The following FAM107B variants were observed in gnomAD, a reference collection of about 807,000 sequenced individuals.
FAM107B encodes protein FAM107B.
A neutral mutation model predicts 31.5 loss-of-function variants in FAM107B; 21 were observed. The observed-to-expected ratio is 0.67, with a 90% CI of 0.47 to 0.96. FAM107B has a LOEUF of 0.96. Ranked by LOEUF, FAM107B falls within the 40% of genes least tolerant of loss-of-function variation. FAM107B has a pLI of 0.00. For missense variants in FAM107B, 452 were observed against 377.1 expected (o/e 1.20, Z -1.64); for synonymous variants, 157 against 141.5 (o/e 1.11, Z -0.78).
chr10:14,614,846 G>C (rs911991203), intron 2 of FAM107B, among the ~76,000 whole-genome samples: 3 of 151,990 alleles, frequency 2.0e-5, no homozygotes, highest in African/African-American at 7.3e-5. Context: ...CACGAGACAG[G>C]GACTGTTTAC....
chr10:14,774,645 T>C lies in FAM107B; in HGVS notation c.19A>G (p.Arg7Gly), dbSNP rs1240899171. Residue 7 changes from arginine (R) to glycine (G), a missense_variant, in exon 1 of 5, where the codon AGA (arginine) becomes GGA (glycine). Physicochemically the swap from Arg to Gly is moderately radical, Grantham distance 125. Coordinates refer to ENST00000181796, the MANE Select transcript of FAM107B (RefSeq NM_031453.4). MSTWKA[R>G]LTKRLKSPSR... ...GGAGACTTCAGTCTTTTGGTGAGTC[T>C]TGCTTTCCACGTGGACATGACTTGC... is the stretch of plus-strand genomic sequence containing the variant. 1 of 1,613,352 alleles carries C rather than the reference T, an allele frequency of 6.2e-7. No individual in the cohort carries two copies. The highest frequency in any genetic ancestry group is 8.5e-7 in the Non-Finnish European group (1 of 1,179,582).
chr10:14,767,973 T>C (rs1833218932), intron 1 of FAM107B, among the ~76,000 whole-genome samples: 1 of 152,112 alleles, frequency 6.6e-6, no homozygotes, highest in African/African-American at 2.4e-5. Flanking sequence ...TAAAGACCCC[T>C]GCACAAAAAT....
chr10:14,586,582 C>G (rs1851849498), intron 2 of FAM107B, among the ~76,000 whole-genome samples: 1 of 152,144 alleles, frequency 6.6e-6, no homozygotes, highest in Admixed American at 6.5e-5. Flanking sequence ...CCCTCTCCAC[C>G]ATGTGGGGAT....
chr10:14,549,583 C>T (rs1849065024), intron 2 of FAM107B, among the ~76,000 whole-genome samples: 1 of 152,212 alleles, frequency 6.6e-6, no homozygotes, highest in Non-Finnish European at 1.5e-5. Flanking sequence ...TTCAACTCTG[C>T]ACATTAATTC....
At position 14,593,063 on chromosome 10, in the gene FAM107B, A is replaced by T. The variant is rs561256436; in HGVS notation, c.470-62548T>A. Among the ~76,000 whole-genome samples, 420 of 152,324 alleles carry T rather than the reference A, an allele frequency of 2.8e-3. 2 individuals carry two copies. The highest frequency in any genetic ancestry group is 9.6e-3 in the African/African-American group (401 of 41,568). On this transcript the variant is annotated intron_variant, in intron 2 of 4. Coordinates refer to ENST00000181796, the MANE Select transcript of FAM107B (RefSeq NM_031453.4). ...CCACCATTCAGCGGGTTAATATTTT[A>T]AAAAATGGCAGACTTCCCTGGGGTC...
At chr10:14,641,652 G>A (rs1461993798) in intron 2 of FAM107B, among the ~76,000 whole-genome samples, 1 of 152,030 alleles carries the variant, frequency 6.6e-6, no homozygotes, top group Non-Finnish European at 1.5e-5. Flanking sequence ...TTCTTCTGAG[G>A]GCACTATTCA....
At chr10:14,526,698 G>A (rs560731004) in intron 3 of FAM107B, among the ~76,000 whole-genome samples, 2 of 152,258 alleles carry the variant, frequency 1.3e-5, no homozygotes, top group African/African-American at 4.8e-5. Flanking sequence ...CTAAAAACCA[G>A]GAACAAGAAG....
intron 1 of FAM107B, among the ~76,000 whole-genome samples, chr10:14,702,569 C>T (rs1732546717): frequency 1.3e-5 from 2 of 152,104 alleles, no homozygotes; most frequent in African/African-American, 4.8e-5. Flanking sequence ...AGGCTGTTCT[C>T]AAACTCCTGA....
chr10:14,648,683 C>A (rs1172794512), intron 2 of FAM107B, among the ~76,000 whole-genome samples: 1 of 152,226 alleles, frequency 6.6e-6, no homozygotes, highest in African/African-American at 2.4e-5. Context: ...AACAGTGACA[C>A]ACCCACAACC....
chr10:14,595,057 A>G (rs1407702576), intron 2 of FAM107B, among the ~76,000 whole-genome samples: 1 of 152,032 alleles, frequency 6.6e-6, no homozygotes, highest in African/African-American at 2.4e-5. Context: ...ACAAAGGCAA[A>G]ACGCTACAGA....
chr10:14,769,073 C>T (rs1325435830), intron 1 of FAM107B, among the ~76,000 whole-genome samples: 1 of 152,156 alleles, frequency 6.6e-6, no homozygotes, highest in Non-Finnish European at 1.5e-5. Flanking sequence ...GCCTTGAGCC[C>T]CTGTGTCCCA....
intron 2 of FAM107B, among the ~76,000 whole-genome samples, chr10:14,594,027 G>A (rs1285652724): frequency 2.6e-5 from 4 of 152,152 alleles, no homozygotes; most frequent in African/African-American, 9.7e-5. Context: ...TACAAAAATG[G>A]CATTTCTGGT....
At chr10:14,759,720 CTTTT>C (rs1295937147) in intron 1 of FAM107B, among the ~76,000 whole-genome samples, 1 of 149,124 alleles carries the variant, frequency 6.7e-6, no homozygotes, top group Non-Finnish European at 1.5e-5. Context: ...CTTTTTTTTT[CTTTT>C]TTTTTAGATG....
intron 2 of FAM107B, among the ~76,000 whole-genome samples, chr10:14,531,221 CCT>C (rs1318005763): frequency 3.3e-5 from 5 of 152,210 alleles, no homozygotes; most frequent in Admixed American, 6.5e-5. Flanking sequence ...CATGTATTCC[CCT>C]GTTACAAAAT....
chr10:14,763,955 G>A (rs1245140696), intron 1 of FAM107B, among the ~76,000 whole-genome samples: 1 of 152,232 alleles, frequency 6.6e-6, no homozygotes, highest in Non-Finnish European at 1.5e-5. Context: ...CTGTGTCTAT[G>A]ATTTTCTTGT....
At chr10:14,615,743 AGAGT>A (rs1852833958) in intron 2 of FAM107B, among the ~76,000 whole-genome samples, 1 of 152,274 alleles carries the variant, frequency 6.6e-6, no homozygotes. Context: ...ATTTGGGAAC[AGAGT>A]AAGTTAAATA....
intron 2 of FAM107B, among the ~76,000 whole-genome samples, chr10:14,579,323 T>C (rs1443208424): frequency 6.6e-6 from 1 of 152,206 alleles, no homozygotes; most frequent in African/African-American, 2.4e-5. Context: ...GAAAACAAAC[T>C]AAACTCTTTT....
At chr10:14,572,356 CA>C in intron 2 of FAM107B, 1 of 985,426 alleles carries the variant, frequency 1.0e-6, no homozygotes, top group Non-Finnish European at 1.2e-6. Flanking sequence ...CAGGTTGCAA[CA>C]CTCACACAAC....
chr10:14,752,556 C>T (rs888771164), intron 1 of FAM107B, among the ~76,000 whole-genome samples: 1 of 152,156 alleles, frequency 6.6e-6, no homozygotes, highest in African/African-American at 2.4e-5. Flanking sequence ...GTGAACCACG[C>T]TGTGGAGTTT....
Sources: allele counts gnomAD v4.1 joint callset (sites outside exome capture counted in the v4.1 genomes callset), GRCh38; gene constraint gnomAD v4.1.1; transcripts MANE v1.5; gene names NCBI Gene and HGNC (gene_info 2026-07-23, HGNC 2026-07-21).